The following ATRNL1 variants were observed in gnomAD, a reference collection of about 807,000 sequenced individuals.
ATRNL1 encodes attractin like 1.
ATRNL1 carries 95 observed loss-of-function variants against 182.7 expected under a neutral mutation model. The observed-to-expected ratio is 0.52, with a 90% CI of 0.44 to 0.62. The LOEUF (loss-of-function observed/expected upper bound fraction) is 0.62. Among genes scored for constraint, ATRNL1 ranks in the 20% least tolerant of loss-of-function variants. The pLI is 0.00. For missense variants in ATRNL1, 1,471 were observed against 1,679.5 expected, an observed-to-expected ratio of 0.88 and a Z score of 2.17; for synonymous variants, 576 against 568.3, an observed-to-expected ratio of 1.01 and a Z score of -0.19.
chr10:115,139,635 G>A (rs1445658754), intron 5 of ATRNL1, among the ~76,000 whole-genome samples: 3 of 152,090 alleles, frequency 2.0e-5, no homozygotes, highest in African/African-American at 4.8e-5. Flanking sequence ...CCATAACGTG[G>A]GAATTCAAGA....
chr10:115,352,153 T>C (rs1020842888), intron 19 of ATRNL1, among the ~76,000 whole-genome samples: 2 of 152,074 alleles, frequency 1.3e-5, no homozygotes, highest in African/African-American at 4.8e-5. Context: ...GTGGTATCAA[T>C]TGTAGTGTCT....
chr10:115,199,133 G>A (rs1225300621), intron 8 of ATRNL1, among the ~76,000 whole-genome samples: 1 of 152,104 alleles, frequency 6.6e-6, no homozygotes. Flanking sequence ...TCCAGTCTGT[G>A]AATGTGGGAT....
intron 28 of ATRNL1, among the ~76,000 whole-genome samples, chr10:115,923,265 C>A (rs782410627): frequency 3.9e-5 from 6 of 152,088 alleles, no homozygotes; most frequent in Non-Finnish European, 7.3e-5. Context: ...TGTAGTAGAT[C>A]AAAAATTAGA....
At chr10:115,413,832 A>G (rs79523729) in intron 20 of ATRNL1, among the ~76,000 whole-genome samples, 1,913 of 152,162 alleles carry the variant, frequency 0.013, 36 homozygotes, top group African/African-American at 0.043. Flanking sequence ...TCTTGGTGCT[A>G]GGTATGCTTT....
intron 26 of ATRNL1, among the ~76,000 whole-genome samples, chr10:115,647,552 G>A (rs1445355496): frequency 2.0e-5 from 3 of 152,236 alleles, no homozygotes; most frequent in African/African-American, 4.8e-5. Flanking sequence ...TATGGCCAGC[G>A]ATGATGAGCA....
chr10:115,438,485 A>C (rs1311987517), intron 21 of ATRNL1, among the ~76,000 whole-genome samples: 1 of 151,926 alleles, frequency 6.6e-6, no homozygotes, highest in African/African-American at 2.4e-5. Context: ...CATTTTAGTC[A>C]TCACTTTCCA....
chr10:115,309,242 G>A (rs1474262973), intron 17 of ATRNL1, among the ~76,000 whole-genome samples: 1 of 151,946 alleles, frequency 6.6e-6, no homozygotes, highest in Non-Finnish European at 1.5e-5. Context: ...ACTTAGGATT[G>A]GTTTGGCTAT....
chr10:115,733,848 A>G (rs1005137797), intron 27 of ATRNL1, among the ~76,000 whole-genome samples: 40 of 152,176 alleles, frequency 2.6e-4, no homozygotes, highest in African/African-American at 9.6e-4. Flanking sequence ...ATAAATATTA[A>G]TGTAAAAGAT....
At chr10:115,774,009 C>T (rs10490917) in intron 27 of ATRNL1, among the ~76,000 whole-genome samples, 123,137 of 152,016 alleles carry the variant, frequency 0.81, 50,019 homozygotes, top group East Asian at 0.96. Flanking sequence ...AATCTTCACT[C>T]TCTATTCCTA....
In ATRNL1 at chr10:115,364,684, G is replaced by A. The variant is rs1294235923; in HGVS notation, c.3176-29975G>A. 7.0e-3 allele frequency among the ~76,000 whole-genome samples: 1,053 copies of A among 149,972 alleles called. 11 individuals are homozygous for A. The highest frequency in any genetic ancestry group is 0.025 in the African/African-American group (972 of 39,616). ...TCATAGATAGCTCTTATTATTTTGAGATACATCCCATCAATACCTAATTTA... is the reference window on the plus strand; with the variant it reads ...TCATAGATAGCTCTTATTATTTTGAAATACATCCCATCAATACCTAATTTA... On this transcript the variant is annotated intron_variant, in intron 19 of 28. Transcript: ENST00000355044.
chr10:115,330,134 G>T (rs551536095), intron 18 of ATRNL1, among the ~76,000 whole-genome samples: 1 of 151,978 alleles, frequency 6.6e-6, no homozygotes, highest in East Asian at 1.9e-4. Context: ...AATTTTGGTC[G>T]GAAGAAAAGG....
At chr10:115,496,658 G>A (rs868981071) in intron 24 of ATRNL1, among the ~76,000 whole-genome samples, 1 of 152,098 alleles carries the variant, frequency 6.6e-6, no homozygotes, top group Non-Finnish European at 1.5e-5. Flanking sequence ...TTCCTCTTAA[G>A]TTTGGTTGGA....
intron 8 of ATRNL1, among the ~76,000 whole-genome samples, chr10:115,212,433 CTG>C (rs1221685574): frequency 2.0e-5 from 3 of 151,854 alleles, no homozygotes; most frequent in African/African-American, 7.2e-5. Flanking sequence ...GTGGAAGACA[CTG>C]TGGTATTTCT....
intron 1 of ATRNL1, among the ~76,000 whole-genome samples, chr10:115,099,968 T>C (rs1382810179): frequency 6.6e-6 from 1 of 152,210 alleles, no homozygotes; most frequent in Non-Finnish European, 1.5e-5. Flanking sequence ...ATCATTTTTT[T>C]CTTTTATACT....
At chr10:115,325,129 G>C (rs1554932781) in intron 18 of ATRNL1, among the ~76,000 whole-genome samples, 1 of 152,056 alleles carries the variant, frequency 6.6e-6, no homozygotes, top group Non-Finnish European at 1.5e-5. Flanking sequence ...ATGCTGAGTT[G>C]TCATTATATT....
At chr10:115,606,576 T>G (rs1856887124) in intron 26 of ATRNL1, among the ~76,000 whole-genome samples, 1 of 152,066 alleles carries the variant, frequency 6.6e-6, no homozygotes, top group Admixed American at 6.6e-5. Flanking sequence ...CATTTCAATC[T>G]TTTCTTCTGT....
chr10:115,315,834 A>C (rs1427571906), intron 18 of ATRNL1, 98 bp downstream of exon 18: 1 of 982,558 alleles, frequency 1.0e-6, no homozygotes, highest in African/African-American at 1.6e-5. Context: ...TTTAGGAAAA[A>C]AGCAGAATGA....
chr10:115,790,682 A>T (rs1949510538), intron 27 of ATRNL1, among the ~76,000 whole-genome samples: 1 of 151,674 alleles, frequency 6.6e-6, no homozygotes, highest in South Asian at 2.1e-4. Flanking sequence ...TGTCAGAGAG[A>T]TCTAGACCAG....
intron 26 of ATRNL1, among the ~76,000 whole-genome samples, chr10:115,717,883 C>T (rs1352052933): frequency 6.6e-6 from 1 of 152,036 alleles, no homozygotes; most frequent in Non-Finnish European, 1.5e-5. Flanking sequence ...TTCCTTTGTT[C>T]CATTCACCTA....
Sources: allele counts gnomAD v4.1 joint callset (sites outside exome capture counted in the v4.1 genomes callset), GRCh38; gene constraint gnomAD v4.1.1; transcripts MANE v1.5; gene names NCBI Gene and HGNC (gene_info 2026-07-23, HGNC 2026-07-21).